The following FARP1 variants were observed in gnomAD, a reference collection of about 807,000 sequenced individuals.
FARP1 encodes FERM, ARHGEF and pleckstrin domain-containing protein 1.
In FARP1, 52 loss-of-function variants were observed where a neutral mutation model predicts 128.8. The ratio of observed to expected loss-of-function variants is 0.40; its 90% confidence interval spans 0.32 to 0.51. The LOEUF (loss-of-function observed/expected upper bound fraction) is 0.51. Ranked by LOEUF, FARP1 falls within the 20% of genes least tolerant of loss-of-function variation. The pLI, the probability that FARP1 is intolerant of heterozygous loss-of-function variation, is 0.45. For synonymous variants in FARP1, 580 were observed against 551.8 expected (o/e 1.05, Z -0.72); for missense variants, 1,333 against 1,367.9 (o/e 0.97, Z 0.40).
chr13:98,226,104 C>G (rs1881747740), intron 2 of FARP1, among the ~76,000 whole-genome samples: 1 of 152,174 alleles, frequency 6.6e-6, no homozygotes, highest in Non-Finnish European at 1.5e-5. Context: ...GTACCACAAA[C>G]TGGGTGGCTT....
chr13:98,408,381 G>A (rs1247152304), intron 13 of FARP1, among the ~76,000 whole-genome samples: 1 of 137,736 alleles, frequency 7.3e-6, no homozygotes, highest in Non-Finnish European at 1.5e-5. Flanking sequence ...AGGCTGGAGT[G>A]CAGTGGGGCG....
At chr13:98,229,524 G>A (rs906034194) in intron 2 of FARP1, among the ~76,000 whole-genome samples, 3 of 151,084 alleles carry the variant, frequency 2.0e-5, no homozygotes, top group Non-Finnish European at 2.9e-5. Context: ...TTGGAGACAG[G>A]GTCTCTCTGT....
rs544524374 is a variant in FARP1 at position 98,387,815 on chromosome 13, G to A, written c.760-568G>A. 5.3e-5 allele frequency among the ~76,000 whole-genome samples: 8 copies of A among 152,326 alleles called. No homozygotes were observed. In the South Asian group the frequency reaches 1.2e-3, roughly 24 times the overall value. On this transcript the variant is annotated intron_variant, in intron 8 of 26. Coordinates refer to ENST00000319562, the MANE Select transcript of FARP1 (RefSeq NM_005766.4). ...TGATGGGCCCAGGAGCCAGACCAGC[G>A]TGGATGAAGCAGGGAGTTGATTGCA...
intron 2 of FARP1, among the ~76,000 whole-genome samples, chr13:98,216,978 C>A (rs1881098576): frequency 6.6e-6 from 1 of 152,176 alleles, no homozygotes; most frequent in African/African-American, 2.4e-5. Context: ...GGTTATGAAA[C>A]AGAGTGACTC....
chr13:98,439,496 C>T (rs74796325), intron 21 of FARP1, among the ~76,000 whole-genome samples: 3,547 of 152,206 alleles, frequency 0.023, 144 homozygotes, highest in African/African-American at 0.076. Context: ...CTGACAAGGC[C>T]GCGTGGCATG....
chr13:98,434,771 G>C (rs1488212919), intron 18 of FARP1: 1 of 152,284 alleles, frequency 6.6e-6, no homozygotes, highest in Non-Finnish European at 1.5e-5. Flanking sequence ...AAGGCGTGTG[G>C]ATCGCCTGAG....
In FARP1 at chr13:98,161,469, G is replaced by A. The variant is rs138352643; in HGVS notation, c.-24+17977G>A. ...TGACCTCAAAAGATCCGCCCGCCTC[G>A]GCCTTCCAAAGTGCTGGGATTACAG... On this transcript the variant is annotated intron_variant, in intron 1 of 26. Coordinates refer to ENST00000319562, the MANE Select transcript of FARP1 (RefSeq NM_005766.4). Among the ~76,000 whole-genome samples the A allele has an allele frequency of 4.7e-3, 713 of 151,958 alleles. 9 individuals carry two copies. Among genetic ancestry groups the A allele is most frequent in the African/African-American group, 0.017 (696 of 41,454 alleles).
intron 21 of FARP1, among the ~76,000 whole-genome samples, chr13:98,439,617 C>T (rs1455394354): frequency 6.6e-6 from 1 of 152,192 alleles, no homozygotes; most frequent in African/African-American, 2.4e-5. Context: ...TCGTCCTCCC[C>T]CGAGTTGGTT....
At chr13:98,241,982 G>A (rs1209950470) in intron 2 of FARP1, among the ~76,000 whole-genome samples, 3 of 152,174 alleles carry the variant, frequency 2.0e-5, no homozygotes, top group Non-Finnish European at 2.9e-5. Flanking sequence ...GTATGTGCCT[G>A]TAGTCCCAGC....
chr13:98,223,610 G>A (rs1223759451), intron 2 of FARP1, among the ~76,000 whole-genome samples: 2 of 152,218 alleles, frequency 1.3e-5, no homozygotes, highest in African/African-American at 4.8e-5. Flanking sequence ...ACAGGTGTGA[G>A]CCACAGCGCC....
At chr13:98,266,434 A>C (rs1185219879) in intron 2 of FARP1, among the ~76,000 whole-genome samples, 1 of 152,018 alleles carries the variant, frequency 6.6e-6, no homozygotes, top group Non-Finnish European at 1.5e-5. Flanking sequence ...TGTCCTTTGG[A>C]GGAAGTAGGA....
intron 17 of FARP1, among the ~76,000 whole-genome samples, chr13:98,426,985 T>C (rs995983642): frequency 3.3e-5 from 5 of 152,162 alleles, no homozygotes; most frequent in Non-Finnish European, 1.5e-5. Context: ...AACACACAGT[T>C]TCCCCTGCTA....
intron 1 of FARP1, among the ~76,000 whole-genome samples, chr13:98,145,264 A>C (rs1430071968): frequency 6.6e-6 from 1 of 152,150 alleles, no homozygotes; most frequent in Non-Finnish European, 1.5e-5. Context: ...TCTATGGTGC[A>C]CCACCCCGCC....
chr13:98,371,990 C>T (rs1889350746), intron 5 of FARP1, among the ~76,000 whole-genome samples: 1 of 152,006 alleles, frequency 6.6e-6, no homozygotes, highest in Admixed American at 6.5e-5. Flanking sequence ...GACAGCAGCA[C>T]CCAGACACCT....
At chr13:98,342,199 G>GGA (rs1020621219) in intron 2 of FARP1, among the ~76,000 whole-genome samples, 1 of 152,196 alleles carries the variant, frequency 6.6e-6, no homozygotes, top group Admixed American at 6.5e-5. Context: ...TTGTGGACAA[G>GGA]GAGAGAGGCA....
chr13:98,415,992 G>A (rs1891361579), intron 16 of FARP1, among the ~76,000 whole-genome samples: 1 of 152,260 alleles, frequency 6.6e-6, no homozygotes, highest in Non-Finnish European at 1.5e-5. Context: ...ACAGTGTCTG[G>A]AAGGGGCTTA....
chr13:98,287,524 A>G (rs892452109), intron 2 of FARP1, among the ~76,000 whole-genome samples: 1 of 151,802 alleles, frequency 6.6e-6, no homozygotes, highest in East Asian at 1.9e-4. Context: ...CACTGTGCCC[A>G]GCCAAGACGT....
At position 98,395,382 on chromosome 13, in the gene FARP1, G is replaced by C; in HGVS notation, c.1320G>C (p.Ala440=). 4.3e-6 allele frequency: 7 copies of C among 1,611,778 alleles called. No individual in the cohort carries two copies. The highest frequency in any genetic ancestry group is 5.9e-6 in the Non-Finnish European group (7 of 1,179,090). The part of the protein sequence containing the change: ...PRRSPAGNKQ[A]DGAASAPTEE... ...GAAGCCCCGCGGGTAACAAGCAGGCGGACGGAGCCGCCTCGGCGCCCACGG... is the reference window on the plus strand; with the variant it reads ...GAAGCCCCGCGGGTAACAAGCAGGCCGACGGAGCCGCCTCGGCGCCCACGG... The change falls in exon 13 of 27, where the codon GCG becomes GCC. Residue 440 remains alanine, a synonymous_variant. Coordinates refer to ENST00000319562, the MANE Select transcript of FARP1 (RefSeq NM_005766.4).
At chr13:98,295,607 T>C (rs1054027448) in intron 2 of FARP1, among the ~76,000 whole-genome samples, 2 of 152,226 alleles carry the variant, frequency 1.3e-5, no homozygotes, top group African/African-American at 2.4e-5. Flanking sequence ...TTATGCATCT[T>C]TGACTTGCTG....
Sources: allele counts gnomAD v4.1 joint callset (sites outside exome capture counted in the v4.1 genomes callset), GRCh38; gene constraint gnomAD v4.1.1; transcripts MANE v1.5; gene names NCBI Gene and HGNC (gene_info 2026-07-23, HGNC 2026-07-21).